The following DLC1 variants were observed in gnomAD, a reference collection of about 807,000 sequenced individuals.
The protein encoded by DLC1 is rho GTPase-activating protein 7.
DLC1 carries 54 observed loss-of-function variants against 140.3 expected under a neutral mutation model. The ratio of observed to expected loss-of-function variants is 0.38; its 90% CI spans 0.31 to 0.48. The LOEUF (loss-of-function observed/expected upper bound fraction) is 0.48. DLC1 is among the 20% of genes least tolerant of loss of function. The probability of loss-of-function intolerance (pLI) is 0.96; values close to 1 mark genes in which losing one functional copy is unlikely to be tolerated. For synonymous variants in DLC1, 986 were observed against 728.1 expected, an observed-to-expected ratio of 1.35 and a Z score of -5.70; for missense variants, 2,536 against 1,907.0, an observed-to-expected ratio of 1.33 and a Z score of -6.14.
rs539347207 is a variant in DLC1, at chr8:13,328,095, G to A, written c.1315-22793C>T. Among the ~76,000 whole-genome samples, 3 of 152,284 alleles carry A rather than the reference G, an allele frequency of 2.0e-5. No homozygotes were observed. The South Asian group carries it at 6.2e-4, about 32-fold the overall frequency. ...GGGAGCACAAGATGATGCTGCTGAG[G>A]CGGTCACTAGATCATGCAAGCCCTT... On this transcript the variant is annotated intron_variant, in intron 4 of 17. Transcript: ENST00000276297.
chr8:13,141,211 C>T (rs1018476393), intron 5 of DLC1, among the ~76,000 whole-genome samples: 13 of 137,286 alleles, frequency 9.5e-5, no homozygotes, highest in African/African-American at 2.8e-4. Flanking sequence ...GCCGAGATTG[C>T]GCCATTGCAC....
chr8:13,575,760 C>A (rs1313646375), intron 1 of DLC1, among the ~76,000 whole-genome samples: 3 of 152,134 alleles, frequency 2.0e-5, no homozygotes, highest in Non-Finnish European at 4.4e-5. Flanking sequence ...TCACTGAACA[C>A]CTTGTTTGAG....
chr8:13,564,541 C>T (rs1014997982), intron 1 of DLC1, among the ~76,000 whole-genome samples: 5 of 152,146 alleles, frequency 3.3e-5, no homozygotes, highest in Non-Finnish European at 5.9e-5. Context: ...CACTGCACAC[C>T]ACCAGGAAGA....
intron 8 of DLC1, 59 bp from the exon 9 acceptor site, chr8:13,100,829 G>C: frequency 1.3e-6 from 2 of 1,503,922 alleles, no homozygotes; most frequent in Non-Finnish European, 1.8e-6. Flanking sequence ...AGGGAGCAGG[G>C]CATGAGCAGG....
chr8:13,140,782 C>A (rs533983953), intron 5 of DLC1, among the ~76,000 whole-genome samples: 5 of 152,096 alleles, frequency 3.3e-5, no homozygotes, highest in Admixed American at 6.5e-5. Flanking sequence ...TAGGGCTTGA[C>A]CCCAGAAAGG....
rs531052189 is a variant in DLC1 at position 13,109,934 on chromosome 8, C to T, written c.1502+808G>A. Reference sequence around the variant, plus strand: ...AACAAAAAAAACAAAAACAAAAAAACCCTGAAATTAAAATAATACTTAGTT... The same window carrying T: ...AACAAAAAAAACAAAAACAAAAAAATCCTGAAATTAAAATAATACTTAGTT... On this transcript the variant is annotated intron_variant, in intron 7 of 17. Coordinates refer to ENST00000276297, the MANE Select transcript of DLC1 (RefSeq NM_182643.3). Among the ~76,000 whole-genome samples the T allele has an allele frequency of 6.6e-5, 10 of 152,104 alleles. 1 individual carries two copies. The highest frequency in any genetic ancestry group is 2.2e-4 in the African/African-American group (9 of 41,512).
At chr8:13,424,022 T>C (rs2117358837) in intron 2 of DLC1, among the ~76,000 whole-genome samples, 1 of 152,276 alleles carries the variant, frequency 6.6e-6, no homozygotes, top group Admixed American at 6.5e-5. Context: ...AGAAAGTAAA[T>C]TAAACAATCC....
intron 2 of DLC1, among the ~76,000 whole-genome samples, chr8:13,442,931 A>T (rs956872376): frequency 6.6e-6 from 1 of 152,208 alleles, no homozygotes; most frequent in African/African-American, 2.4e-5. Flanking sequence ...AGTATTCACA[A>T]TAGCAAAGAC....
intron 5 of DLC1, among the ~76,000 whole-genome samples, chr8:13,235,091 A>G (rs1829219133): frequency 6.6e-6 from 1 of 152,096 alleles, no homozygotes; most frequent in South Asian, 2.1e-4. Flanking sequence ...GTATTGTGAT[A>G]GAGTCTTATC....
chr8:13,428,216 C>T (rs912263823), intron 2 of DLC1, among the ~76,000 whole-genome samples: 6 of 152,138 alleles, frequency 3.9e-5, no homozygotes, highest in African/African-American at 1.4e-4. Flanking sequence ...GGTCCACAGA[C>T]ATCATGGCAT....
chr8:13,354,241 G>A (rs918214080), intron 4 of DLC1, among the ~76,000 whole-genome samples: 1 of 152,036 alleles, frequency 6.6e-6, no homozygotes, highest in Non-Finnish European at 1.5e-5. Flanking sequence ...AGCCTTTCAT[G>A]GCCTTCTAAC....
At chr8:13,261,969 C>A (rs777184267) in intron 5 of DLC1, among the ~76,000 whole-genome samples, 35 of 152,054 alleles carry the variant, frequency 2.3e-4, no homozygotes, top group Non-Finnish European at 3.8e-4. Flanking sequence ...AGGTGTTTAG[C>A]TTAGATATGA....
intron 5 of DLC1, chr8:13,133,151 G>C: frequency 6.9e-7 from 1 of 1,446,406 alleles, no homozygotes; most frequent in Admixed American, 2.8e-5. Context: ...AAAGAAAGCG[G>C]GGTTTTCTAA....
chr8:13,479,143 G>T (rs1213795004), intron 2 of DLC1, among the ~76,000 whole-genome samples: 1 of 152,210 alleles, frequency 6.6e-6, no homozygotes, highest in Non-Finnish European at 1.5e-5. Flanking sequence ...GAGAAAAGAT[G>T]TTATTTTGTA....
chr8:13,367,409 A>G (rs1835538519), intron 4 of DLC1, among the ~76,000 whole-genome samples: 1 of 152,196 alleles, frequency 6.6e-6, no homozygotes, highest in Non-Finnish European at 1.5e-5. Context: ...GGTGCTGCCT[A>G]CATGTTAGCT....
chr8:13,369,844 C>T (rs939720813), intron 4 of DLC1, among the ~76,000 whole-genome samples: 8 of 150,312 alleles, frequency 5.3e-5, no homozygotes, highest in Non-Finnish European at 1.2e-4. Context: ...GCTCTCCGAT[C>T]GTCTCCTCAG....
chr8:13,344,971 G>T (rs17091944), intron 4 of DLC1, among the ~76,000 whole-genome samples: 18 of 151,922 alleles, frequency 1.2e-4, no homozygotes, highest in Non-Finnish European at 2.4e-4. Flanking sequence ...AAAGGGGAAC[G>T]ATAAAAACAA....
intron 5 of DLC1, among the ~76,000 whole-genome samples, chr8:13,217,330 G>A (rs149522966): frequency 1.9e-3 from 290 of 152,148 alleles, no homozygotes; most frequent in African/African-American, 6.1e-3. Flanking sequence ...ATTTTACAAC[G>A]TTATTAATAT....
chr8:13,324,437 G>A (rs1051690757), intron 4 of DLC1, among the ~76,000 whole-genome samples: 1 of 151,794 alleles, frequency 6.6e-6, no homozygotes, highest in Admixed American at 6.6e-5. Flanking sequence ...GCGTGGTGGC[G>A]GGCGCCTGTA....
Sources: gnomAD v4.1 joint callset for allele counts (sites outside exome capture counted in the v4.1 genomes callset) on GRCh38, gnomAD v4.1.1 for gene constraint, MANE v1.5 for transcripts, NCBI Gene and HGNC (gene_info 2026-07-23, HGNC 2026-07-21) for gene names.